NTRK3: variants seen among roughly 807,000 people sequenced by gnomAD.
NTRK3 encodes NT-3 growth factor receptor.
NTRK3 carries 24 observed loss-of-function variants against 91.7 expected under a neutral mutation model. The ratio of observed to expected loss-of-function variants is 0.26; its 90% confidence interval spans 0.19 to 0.37. The LOEUF is 0.37. Ranked by LOEUF, NTRK3 falls within the 10% of genes least tolerant of loss-of-function variation. NTRK3 has a pLI of 1.00. For synonymous variants in NTRK3, 483 were observed against 404.0 expected (o/e 1.20, Z -2.34); for missense variants, 880 against 1,068.9 (o/e 0.82, Z 2.46).
intron 13 of NTRK3, among the ~76,000 whole-genome samples, chr15:88,074,441 G>A (rs1013692129): frequency 6.6e-6 from 1 of 152,182 alleles, no homozygotes. Flanking sequence ...GCCCACACAC[G>A]GCTAGCAGCC....
chr15:87,938,645 A>G (rs1247365192), intron 15 of NTRK3, among the ~76,000 whole-genome samples: 1 of 152,206 alleles, frequency 6.6e-6, no homozygotes, highest in Non-Finnish European at 1.5e-5. Context: ...AACATTTCCT[A>G]GGGTTTTCAG....
At chr15:87,945,782 T>C (rs1046476330) in intron 14 of NTRK3, among the ~76,000 whole-genome samples, 2 of 135,468 alleles carry the variant, frequency 1.5e-5, no homozygotes, top group Non-Finnish European at 3.1e-5. Flanking sequence ...CAAATGGCAC[T>C]GCTGAAAGAG....
In NTRK3 at chr15:88,243,933, A is replaced by G. The variant is rs936821644; in HGVS notation, c.248+11973T>C. On this transcript the variant is annotated intron_variant, in intron 3 of 18. Coordinates refer to ENST00000394480, the Ensembl canonical transcript of NTRK3. The surrounding 1 kb of genome is among the most constrained non-coding windows in gnomAD (Gnocchi z 4.8). ...CCCTCAGAAAAAAAATATCTTTAGC[A>G]CCTAGCAGTTGAAGGGGAGAAATTC... Among the ~76,000 whole-genome samples the G allele has an allele frequency of 3.3e-5, 5 of 152,200 alleles. No individual in the cohort carries two copies. The highest frequency in any genetic ancestry group is 7.3e-5 in the Non-Finnish European group (5 of 68,038).
intron 14 of NTRK3, among the ~76,000 whole-genome samples, chr15:87,953,434 T>A (rs1489875406): frequency 6.6e-6 from 1 of 152,152 alleles, no homozygotes; most frequent in Non-Finnish European, 1.5e-5. Context: ...CATAGAGAAG[T>A]GTGAGGTTTC....
chr15:87,944,378 T>A (rs2070211573), intron 14 of NTRK3, among the ~76,000 whole-genome samples: 2 of 152,216 alleles, frequency 1.3e-5, no homozygotes, highest in Admixed American at 1.3e-4. Flanking sequence ...GCAAAGGGAA[T>A]TAACTTGCAC....
At chr15:88,214,015 G>A (rs1167445535) in intron 3 of NTRK3, among the ~76,000 whole-genome samples, 5 of 152,038 alleles carry the variant, frequency 3.3e-5, no homozygotes, top group Admixed American at 6.5e-5. Flanking sequence ...GGAGGTGGAG[G>A]TTGCAGCAAG....
rs550740562 is a variant in NTRK3, at chr15:88,210,871, GACAA to G, written c.249-26576_249-26573del. Among the ~76,000 whole-genome samples the G allele has an allele frequency of 1.4e-3, 208 of 152,260 alleles. 1 individual carries two copies. Among genetic ancestry groups the G allele is most frequent in the African/African-American group, 4.7e-3 (195 of 41,550 alleles). On this transcript the variant is annotated intron_variant, in intron 3 of 18. Coordinates refer to ENST00000394480, the Ensembl canonical transcript of NTRK3. ...TTGGATGGAAGGCAGCTTTGGGAGA[GACAA>G]ACAGAGCAGTGAGCAGGGAGGGAAA...
chr15:88,009,429 G>T (rs1051172642), intron 14 of NTRK3, among the ~76,000 whole-genome samples: 1 of 152,160 alleles, frequency 6.6e-6, no homozygotes, highest in Non-Finnish European at 1.5e-5. Flanking sequence ...CTGGAAAAAG[G>T]TCCACTGCTT....
intron 14 of NTRK3, among the ~76,000 whole-genome samples, chr15:87,984,032 C>T (rs1228343562): frequency 6.6e-6 from 1 of 152,140 alleles, no homozygotes; most frequent in Non-Finnish European, 1.5e-5. Context: ...TGTCTGGTCA[C>T]GGACCCCTTC....
intron 5 of NTRK3, among the ~76,000 whole-genome samples, chr15:88,152,733 T>G (rs2043502823): frequency 1.3e-5 from 2 of 152,248 alleles, no homozygotes; most frequent in Non-Finnish European, 2.9e-5. Context: ...CTGTGATCCC[T>G]GAAAGCCTCC....
chr15:88,173,888 T>C (rs1311895746), intron 5 of NTRK3, among the ~76,000 whole-genome samples: 1 of 152,226 alleles, frequency 6.6e-6, no homozygotes, highest in Non-Finnish European at 1.5e-5. Context: ...CTTAGGCAAG[T>C]CACTCAACCT....
intron 12 of NTRK3, 117 bp from the exon 13 acceptor site, chr15:88,126,490 C>T: frequency 1.5e-6 from 1 of 666,938 alleles, no homozygotes; most frequent in East Asian, 2.7e-5. Flanking sequence ...GTAGCCTTCT[C>T]AGAACTGCAA....
Position 88,033,201 on chromosome 15 carries a change from TATATATATATATATAA to T in NTRK3, c.1397-172_1397-157del, listed in dbSNP as rs1212477232. ...TTATATATATATATATATATATATATATATATATATATATAAATTCAGTTGTTTGGGTTTCTGGTGT... is the reference window on the plus strand; with the variant it reads ...TTATATATATATATATATATATATATATTCAGTTGTTTGGGTTTCTGGTGT... On this transcript the variant is annotated intron_variant, in intron 13 of 18. Coordinates refer to ENST00000394480, the Ensembl canonical transcript of NTRK3. Among the ~76,000 whole-genome samples the T allele has an allele frequency of 2.4e-3, 292 of 124,008 alleles. 3 individuals carry two copies. Among genetic ancestry groups the T allele is most frequent in the African/African-American group, 8.7e-3 (264 of 30,264 alleles). 81.4% of individuals were successfully genotyped at this position (124,008 alleles called of 152,430 possible).
rs148341661 is a variant in NTRK3, at chr15:88,196,804, A to T, written c.249-12505T>A. On this transcript the variant is annotated intron_variant, in intron 3 of 18. Coordinates refer to ENST00000394480, the Ensembl canonical transcript of NTRK3. Reference sequence around the variant, plus strand: ...TTCACATGACTTCAATTACTGCCTAATTAGAGATTGATTCTAGTTCTACAG... The same window carrying T: ...TTCACATGACTTCAATTACTGCCTATTTAGAGATTGATTCTAGTTCTACAG... Among the ~76,000 whole-genome samples, 207 of 152,260 alleles carry T rather than the reference A, an allele frequency of 1.4e-3. 1 individual carries two copies. The highest frequency in any genetic ancestry group is 4.8e-3 in the African/African-American group (200 of 41,546).
chr15:88,128,620 T>C, intron 11 of NTRK3, 91 bp downstream of exon 11: 1 of 1,328,824 alleles, frequency 7.5e-7, no homozygotes, highest in Non-Finnish European at 1.1e-6. Flanking sequence ...CCAGGGATGA[T>C]GTGGAATAGG....
chr15:88,101,220 A>G (rs1265457451), intron 13 of NTRK3, among the ~76,000 whole-genome samples: 2 of 152,242 alleles, frequency 1.3e-5, no homozygotes, highest in Non-Finnish European at 2.9e-5. Flanking sequence ...ATGAATAGAC[A>G]CTTCTCAAAA....
intron 13 of NTRK3, among the ~76,000 whole-genome samples, chr15:88,035,299 T>TCA (rs2078974754): frequency 6.6e-6 from 1 of 152,090 alleles, no homozygotes; most frequent in African/African-American, 2.4e-5. Flanking sequence ...GCCCCCACTA[T>TCA]CACCTTGCTC....
chr15:87,994,234 G>A lies in NTRK3; in HGVS notation c.1585+38623C>T, dbSNP rs550252773. On this transcript the variant is annotated intron_variant, in intron 14 of 18. Transcript: ENST00000394480. Reference sequence around the variant, plus strand: ...GACAAAGCATAGCAAATAGGGAACTGTTAGGGATTGAATTGTGCCCCTCAA... The same window carrying A: ...GACAAAGCATAGCAAATAGGGAACTATTAGGGATTGAATTGTGCCCCTCAA... 5.3e-4 allele frequency among the ~76,000 whole-genome samples: 80 copies of A among 152,284 alleles called. 3 individuals are homozygous for A. In the South Asian group the frequency reaches 0.016, roughly 31 times the overall value.
At chr15:88,020,680 C>A (rs1337766158) in intron 14 of NTRK3, among the ~76,000 whole-genome samples, 1 of 152,168 alleles carries the variant, frequency 6.6e-6, no homozygotes, top group African/African-American at 2.4e-5. Context: ...GTCACCTTTT[C>A]TTATCTCAAA....
Sources: gnomAD v4.1 joint callset for allele counts (sites outside exome capture counted in the v4.1 genomes callset) on GRCh38, gnomAD v4.1.1 for gene constraint, Gnocchi (gnomAD v3.1) non-coding constraint, MANE v1.5 for transcripts, NCBI Gene and HGNC (gene_info 2026-07-23, HGNC 2026-07-21) for gene names.